Variants in DNAI7 observed in about 807,000 individuals in gnomAD.
DNAI7 encodes cancer susceptibility 1.
DNAI7 carries 78 observed loss-of-function variants against 86.6 expected under a neutral mutation model. The observed-to-expected ratio is 0.90, with a 90% CI of 0.75 to 1.09. DNAI7 has a LOEUF of 1.09. DNAI7 is among the 50% of genes least tolerant of loss of function. The pLI is 0.00. For synonymous variants in DNAI7, 274 were observed against 273.0 expected (o/e 1.00, Z -0.04); for missense variants, 753 against 810.2 (o/e 0.93, Z 0.86).
intron 2 of DNAI7, among the ~76,000 whole-genome samples, chr12:25,169,931 G>A (rs187667947): frequency 3.3e-5 from 5 of 152,062 alleles, no homozygotes; most frequent in Non-Finnish European, 7.4e-5. Flanking sequence ...GCCTTCAGGG[G>A]ATTCATCTAA....
intron 2 of DNAI7, among the ~76,000 whole-genome samples, chr12:25,188,705 T>A (rs1424848823): frequency 6.6e-6 from 1 of 150,856 alleles, no homozygotes; most frequent in Non-Finnish European, 1.5e-5. Flanking sequence ...AAGTAAGCGA[T>A]TTCTTCTCTG....
chr12:25,111,962 A>G, intron 13 of DNAI7, 23 bp from the exon 14 acceptor site: 1 of 1,502,850 alleles, frequency 6.7e-7, no homozygotes, highest in Non-Finnish European at 9.0e-7. Context: ...AGAAAAAAGA[A>G]GCTTTTATGT....
chr12:25,132,983 T>C (rs1190186060), intron 9 of DNAI7, among the ~76,000 whole-genome samples: 2 of 152,204 alleles, frequency 1.3e-5, no homozygotes, highest in African/African-American at 2.4e-5. Context: ...GCTACACAAA[T>C]ATTTGAATCC....
At chr12:25,191,622 T>C (rs1439932728) in intron 1 of DNAI7, among the ~76,000 whole-genome samples, 1 of 152,156 alleles carries the variant, frequency 6.6e-6, no homozygotes, top group East Asian at 1.9e-4. Context: ...GAGAGTCGCT[T>C]GAACCTGGGA....
intron 2 of DNAI7, among the ~76,000 whole-genome samples, chr12:25,168,213 G>A (rs1947722686): frequency 6.6e-6 from 1 of 152,010 alleles, no homozygotes; most frequent in South Asian, 2.1e-4. Flanking sequence ...CTCGCACAAG[G>A]TCTCTTCTTC....
At chr12:25,138,973 G>C (rs187887914) in intron 9 of DNAI7, among the ~76,000 whole-genome samples, 105 of 151,524 alleles carry the variant, frequency 6.9e-4, no homozygotes, top group African/African-American at 2.4e-3. Context: ...GATTAACCAA[G>C]AAAAGAAGAG....
Position 25,131,127 on chromosome 12 carries a change from C to T in DNAI7, c.1003-7841G>A, listed in dbSNP as rs142439517. On this transcript the variant is annotated intron_variant, in intron 9 of 15. Transcript: ENST00000395987. Reference sequence around the variant, plus strand: ...GATGTAAGATTTATAATAAAATATGCCAACCTAAAATTGTGAGGTAAGCAG... The same window carrying T: ...GATGTAAGATTTATAATAAAATATGTCAACCTAAAATTGTGAGGTAAGCAG... Among the ~76,000 whole-genome samples the T allele has an allele frequency of 3.6e-3, 541 of 148,994 alleles. 4 individuals carry two copies. Among genetic ancestry groups the T allele is most frequent in the African/African-American group, 0.012 (502 of 40,330 alleles).
intron 2 of DNAI7, among the ~76,000 whole-genome samples, chr12:25,174,595 T>TATATATGATATATATATCATATATATGGG (rs1555181700): frequency 1.4e-5 from 1 of 71,436 alleles, no homozygotes; most frequent in Admixed American, 1.5e-4. Context: ...ATATATGGGA[T>TATATATGATATATATATCATATATATGGG]ATATATATGA....
intron 2 of DNAI7, among the ~76,000 whole-genome samples, chr12:25,189,818 C>G (rs372286158): frequency 1.8e-4 from 27 of 152,034 alleles, no homozygotes; most frequent in African/African-American, 6.5e-4. Flanking sequence ...TGGTTATGGT[C>G]AAGACTATGG....
chr12:25,129,382 C>A (rs1367197102), intron 9 of DNAI7, among the ~76,000 whole-genome samples: 2 of 152,074 alleles, frequency 1.3e-5, no homozygotes, highest in African/African-American at 4.8e-5. Flanking sequence ...ATGGTGCCTA[C>A]CACATAGAGG....
intron 7 of DNAI7, among the ~76,000 whole-genome samples, chr12:25,149,114 T>C (rs190754612): frequency 1.3e-5 from 2 of 152,248 alleles, no homozygotes; most frequent in African/African-American, 2.4e-5. Flanking sequence ...AGCTCCCAAG[T>C]AGCTGGGACA....
intron 2 of DNAI7, among the ~76,000 whole-genome samples, chr12:25,186,179 GTTT>G (rs1950019713): frequency 6.6e-6 from 1 of 152,168 alleles, no homozygotes; most frequent in Non-Finnish European, 1.5e-5. Flanking sequence ...GTAGTGATGG[GTTT>G]TTTAACAGTA....
chr12:25,195,106 C>G lies in DNAI7; in HGVS notation c.-28G>C. 1 of 1,612,436 alleles carries G rather than the reference C, an allele frequency of 6.2e-7. No homozygotes were observed. The highest frequency in any genetic ancestry group is 2.2e-5 in the East Asian group (1 of 44,876). On this transcript the variant is annotated 5_prime_UTR_variant, in exon 1 of 16. Transcript: ENST00000395987. ...AGAGTCAAGCTCCACTGCAGTAGTCCGCAGAGTCGGAGCAGAAATTGTGTG... is the reference window on the plus strand; with the variant it reads ...AGAGTCAAGCTCCACTGCAGTAGTCGGCAGAGTCGGAGCAGAAATTGTGTG...
At chr12:25,141,579 C>T (rs1944187543) in intron 9 of DNAI7, among the ~76,000 whole-genome samples, 1 of 152,168 alleles carries the variant, frequency 6.6e-6, no homozygotes. Context: ...GCCTGTTATC[C>T]CAGCACTTTG....
chr12:25,119,307 T>TA lies in DNAI7; in HGVS notation c.1240-7dup. The TA allele has an allele frequency of 3.8e-6, 6 of 1,592,486 alleles. No individual in the cohort carries two copies. In the South Asian group the frequency reaches 5.7e-5, roughly 15 times the overall value. On this transcript the variant is annotated splice_region_variant and splice_polypyrimidine_tract_variant and intron_variant, in intron 11 of 15. Coordinates refer to ENST00000395987, the MANE Select transcript of DNAI7 (RefSeq NM_018272.5). Reference sequence around the variant, plus strand: ...TGTAATCCTTCTTTGAGTATCTTTTTAAAATGACCAAAACAACATCAAGTT... The same window carrying TA: ...TGTAATCCTTCTTTGAGTATCTTTTTAAAAATGACCAAAACAACATCAAGTT...
rs1223377867 is a variant in DNAI7, at chr12:25,184,237, A to C, written c.21+6377T>G. On this transcript the variant is annotated intron_variant, in intron 2 of 15. Coordinates refer to ENST00000395987, the MANE Select transcript of DNAI7 (RefSeq NM_018272.5). ...AATCAATTTTAGAACATTTTTCATC[A>C]CCCCGAAATAGAAATCTTATACTCA... is the stretch of plus-strand genomic sequence containing the variant. Among the ~76,000 whole-genome samples, 5 of 152,082 alleles carry C rather than the reference A, an allele frequency of 3.3e-5. No individual in the cohort carries two copies. In the East Asian group the frequency reaches 9.6e-4, roughly 29 times the overall value.
At chr12:25,126,422 C>G (rs1328256787) in intron 9 of DNAI7, among the ~76,000 whole-genome samples, 1 of 152,116 alleles carries the variant, frequency 6.6e-6, no homozygotes, top group Non-Finnish European at 1.5e-5. Flanking sequence ...TGCTAGAAGT[C>G]CAGTGTAGAC....
intron 2 of DNAI7, among the ~76,000 whole-genome samples, chr12:25,167,054 C>T (rs1466565874): frequency 6.6e-6 from 1 of 152,128 alleles, no homozygotes; most frequent in Admixed American, 6.5e-5. Context: ...CTCTCTGATC[C>T]ACCTGACATT....
chr12:25,173,826 A>G (rs1948413634), intron 2 of DNAI7, among the ~76,000 whole-genome samples: 2 of 142,340 alleles, frequency 1.4e-5, no homozygotes, highest in African/African-American at 2.8e-5. Context: ...TACATCATAT[A>G]TATACCACAT....
Sources: gnomAD v4.1 joint callset for allele counts (sites outside exome capture counted in the v4.1 genomes callset) on GRCh38, gnomAD v4.1.1 for gene constraint, MANE v1.5 for transcripts, NCBI Gene and HGNC (gene_info 2026-07-23, HGNC 2026-07-21) for gene names.